The following GSK3B variants were observed in gnomAD, a reference collection of about 807,000 sequenced individuals.
GSK3B encodes the protein glycogen synthase kinase-3 beta.
Under a neutral mutation model 56.4 loss-of-function variants are expected in GSK3B, and 15 were observed. The observed-to-expected ratio is 0.27, with a 90% CI of 0.18 to 0.41. The LOEUF is 0.41. GSK3B is among the 10% of genes least tolerant of loss of function. GSK3B has a pLI of 1.00. For missense variants in GSK3B, 300 were observed against 513.4 expected (o/e 0.58, Z 4.02); for synonymous variants, 181 against 188.9 (o/e 0.96, Z 0.34).
chr3:120,013,228 T>A (rs2057794546), intron 1 of GSK3B, among the ~76,000 whole-genome samples: 1 of 152,182 alleles, frequency 6.6e-6, no homozygotes, highest in Admixed American at 6.5e-5. Context: ...TTCAAGGATG[T>A]TTAAATATTT....
chr3:119,858,005 G>C (rs2056044479), intron 9 of GSK3B, among the ~76,000 whole-genome samples: 1 of 152,130 alleles, frequency 6.6e-6, no homozygotes, highest in Admixed American at 6.5e-5. Flanking sequence ...CTGAGCAGTA[G>C]GTCTCAACAG....
intron 9 of GSK3B, among the ~76,000 whole-genome samples, chr3:119,863,095 T>C (rs1055119506): frequency 1.3e-5 from 2 of 152,240 alleles, no homozygotes; most frequent in African/African-American, 4.8e-5. Context: ...TTGTTTCAGA[T>C]CCAAACCTAA....
chr3:119,981,546 C>T (rs543669371), intron 2 of GSK3B, among the ~76,000 whole-genome samples: 27 of 152,394 alleles, frequency 1.8e-4, no homozygotes, highest in South Asian at 4.1e-4. Flanking sequence ...GATTCTCTCC[C>T]GTGCCTGGCT....
chr3:119,876,658 A>G, intron 7 of GSK3B, 150 bp from the exon 8 acceptor site: 2 of 603,956 alleles, frequency 3.3e-6, no homozygotes, highest in East Asian at 2.8e-5. Flanking sequence ...TGATTTGAAT[A>G]TGTCCCCCAA....
At chr3:119,894,840 C>T (rs1157593695) in intron 7 of GSK3B, among the ~76,000 whole-genome samples, 1 of 152,048 alleles carries the variant, frequency 6.6e-6, no homozygotes, top group Non-Finnish European at 1.5e-5. Context: ...AGATTTATAT[C>T]TGTTTCCTTC....
chr3:120,073,772 G>A (rs777060765), intron 1 of GSK3B, among the ~76,000 whole-genome samples: 15 of 152,216 alleles, frequency 9.9e-5, no homozygotes, highest in Non-Finnish European at 1.3e-4. Flanking sequence ...CTCTGTAAGC[G>A]TCAGTTTCCT....
chr3:119,884,518 T>C (rs75498295), intron 7 of GSK3B, among the ~76,000 whole-genome samples: 51 of 152,290 alleles, frequency 3.3e-4, no homozygotes, highest in African/African-American at 1.2e-3. Flanking sequence ...CTCTTTTACA[T>C]GTGAAAAACC....
intron 2 of GSK3B, among the ~76,000 whole-genome samples, chr3:119,975,806 G>A (rs2057404041): frequency 1.3e-5 from 2 of 152,150 alleles, no homozygotes; most frequent in African/African-American, 4.8e-5. Context: ...TGTCACAAAT[G>A]TACTACACCA....
Position 119,925,052 on chromosome 3 carries a change from G to T in GSK3B, c.367-1569C>A, listed in dbSNP as rs577760258. Among the ~76,000 whole-genome samples, 3 of 152,328 alleles carry T rather than the reference G, an allele frequency of 2.0e-5. No individual in the cohort carries two copies. The South Asian group carries it at 6.2e-4, about 32-fold the overall frequency. On this transcript the variant is annotated intron_variant, in intron 3 of 10. Transcript: ENST00000264235. ...TCATCAAAATTTAATTTGTTAGCCA[G>T]GCGTGGTGGCTTACGCCTGTAATCC...
At chr3:119,959,246 G>A (rs2057245824) in intron 2 of GSK3B, among the ~76,000 whole-genome samples, 1 of 152,018 alleles carries the variant, frequency 6.6e-6, no homozygotes, top group South Asian at 2.1e-4. Context: ...CAGTCTCAGG[G>A]CTTTAAAGGC....
chr3:119,887,278 A>T (rs947088299), intron 7 of GSK3B, among the ~76,000 whole-genome samples: 1 of 152,106 alleles, frequency 6.6e-6, no homozygotes, highest in Non-Finnish European at 1.5e-5. Context: ...AGGTGTAAAC[A>T]ACTAAGAAAC....
chr3:119,933,833 A>G (rs927423827), intron 3 of GSK3B, among the ~76,000 whole-genome samples: 7 of 152,148 alleles, frequency 4.6e-5, no homozygotes, highest in African/African-American at 1.7e-4. Context: ...GCAGAGATCA[A>G]GCCACTGCAC....
intron 1 of GSK3B, among the ~76,000 whole-genome samples, chr3:120,063,515 T>C (rs1172140144): frequency 2.0e-5 from 3 of 148,816 alleles, no homozygotes; most frequent in South Asian, 4.3e-4. Flanking sequence ...TCACCTGAGG[T>C]CAGGAGGTAG....
intron 4 of GSK3B, among the ~76,000 whole-genome samples, chr3:119,921,605 T>G (rs892374889): frequency 3.9e-5 from 6 of 152,176 alleles, no homozygotes; most frequent in African/African-American, 1.4e-4. Context: ...ATAGGTCAAA[T>G]GATCCGGTTT....
intron 4 of GSK3B, among the ~76,000 whole-genome samples, chr3:119,919,874 A>G (rs2056821672): frequency 6.6e-6 from 1 of 152,112 alleles, no homozygotes; most frequent in African/African-American, 2.4e-5. Flanking sequence ...ACACGAAAAT[A>G]TGGACTGATC....
At chr3:119,878,666 A>G (rs1465007384) in intron 7 of GSK3B, among the ~76,000 whole-genome samples, 1 of 152,230 alleles carries the variant, frequency 6.6e-6, no homozygotes, top group African/African-American at 2.4e-5. Context: ...ACAAATATGC[A>G]TAGCATATTT....
intron 9 of GSK3B, among the ~76,000 whole-genome samples, chr3:119,858,855 C>G (rs888421358): frequency 1.3e-5 from 2 of 151,996 alleles, no homozygotes; most frequent in Non-Finnish European, 2.9e-5. Context: ...ATTGTTGTGT[C>G]TCAGGGAATA....
rs73854732 is a variant in GSK3B, at chr3:119,874,855, G to C, written c.909+1558C>G. On this transcript the variant is annotated intron_variant, in intron 8 of 10. Coordinates refer to ENST00000264235, the MANE Select transcript of GSK3B (RefSeq NM_001146156.2). ...TTGTTGTTTTTCTCTTAACATGGCT[G>C]AAGTCATAGTATACTACAAATCACT... Among the ~76,000 whole-genome samples, 653 of 152,098 alleles carry C rather than the reference G, an allele frequency of 4.3e-3. 2 individuals are homozygous for C. The highest frequency in any genetic ancestry group is 0.015 in the African/African-American group (613 of 41,496).
intron 9 of GSK3B, among the ~76,000 whole-genome samples, chr3:119,861,652 A>C (rs550267318): frequency 1.3e-5 from 2 of 152,360 alleles, no homozygotes; most frequent in East Asian, 3.9e-4. Context: ...AGCGATTTAC[A>C]AAGACCGTGA....
Sources: gnomAD v4.1 joint callset for allele counts (sites outside exome capture counted in the v4.1 genomes callset) on GRCh38, gnomAD v4.1.1 for gene constraint, MANE v1.5 for transcripts, NCBI Gene and HGNC (gene_info 2026-07-23, HGNC 2026-07-21) for gene names.